The following EFL1 variants were observed in gnomAD, a reference collection of about 807,000 sequenced individuals.
EFL1 encodes elongation factor like GTPase 1, also known as elongation factor-like GTPase 1.
A neutral mutation model predicts 126.7 loss-of-function variants in EFL1; 76 were observed. The observed-to-expected ratio is 0.60, with a 90% CI of 0.50 to 0.73. The LOEUF (loss-of-function observed/expected upper bound fraction) is 0.73. Ranked by LOEUF, EFL1 falls within the 30% of genes least tolerant of loss-of-function variation. The pLI is 0.00. For synonymous variants in EFL1, 410 were observed against 448.4 expected, an observed-to-expected ratio of 0.91 and a Z score of 1.08; for missense variants, 1,128 against 1,343.2, an observed-to-expected ratio of 0.84 and a Z score of 2.50.
At chr15:82,181,323 T>C (rs1233187862) in intron 15 of EFL1, among the ~76,000 whole-genome samples, 2 of 152,224 alleles carry the variant, frequency 1.3e-5, no homozygotes, top group African/African-American at 4.8e-5. Flanking sequence ...AAATAATATT[T>C]AAAGCTTCTG....
chr15:82,162,300 G>C (rs554582845), intron 16 of EFL1, among the ~76,000 whole-genome samples: 17 of 152,218 alleles, frequency 1.1e-4, no homozygotes, highest in African/African-American at 3.9e-4. Flanking sequence ...AAATAAACAA[G>C]TAAAATTATG....
At chr15:82,194,217 A>G (rs1172745484) in intron 15 of EFL1, among the ~76,000 whole-genome samples, 1 of 152,174 alleles carries the variant, frequency 6.6e-6, no homozygotes, top group Non-Finnish European at 1.5e-5. Flanking sequence ...GGAGGTATCT[A>G]TACCATTCTA....
intron 14 of EFL1, among the ~76,000 whole-genome samples, chr15:82,216,103 T>C (rs1160766161): frequency 6.6e-6 from 1 of 152,140 alleles, no homozygotes; most frequent in African/African-American, 2.4e-5. Context: ...AATGCATAAA[T>C]AGAATAGCAA....
chr15:82,182,309 C>G (rs142582208), intron 15 of EFL1, among the ~76,000 whole-genome samples: 56 of 152,262 alleles, frequency 3.7e-4, no homozygotes, highest in African/African-American at 1.2e-3. Context: ...TATTTTTAGG[C>G]AGCTATTTGT....
At chr15:82,137,705 C>G (rs2073737079) in intron 19 of EFL1, among the ~76,000 whole-genome samples, 1 of 152,238 alleles carries the variant, frequency 6.6e-6, no homozygotes, top group African/African-American at 2.4e-5. Context: ...TCCCTGTAAA[C>G]AATAACAACA....
chr15:82,151,571 T>C lies in EFL1; in HGVS notation c.2883A>G (p.Leu961=), dbSNP rs780082234. 1.9e-5 allele frequency: 30 copies of C among 1,614,072 alleles called. No individual in the cohort carries two copies. Among genetic ancestry groups the C allele is most frequent in the African/African-American group, 9.3e-5 (7 of 74,924 alleles). ...GACATGCTTCTTTCATGGTGGCAAT[T>C]AGCTGTCCTGAGAAAGGTCCATAGC... ...TDCYGPFSGQ[L]IATMKEACRY... is the part of the protein sequence containing the mutation. The change falls in exon 18 of 20, where the codon CTA becomes CTG. Residue 961 remains leucine, a synonymous_variant. Transcript: ENST00000268206.
At chr15:82,182,052 G>A (rs2074257152) in intron 15 of EFL1, among the ~76,000 whole-genome samples, 1 of 152,102 alleles carries the variant, frequency 6.6e-6, no homozygotes, top group Non-Finnish European at 1.5e-5. Flanking sequence ...GAGGTCAGGA[G>A]TTTGAGGCCA....
At chr15:82,141,912 C>T (rs1360273904) in intron 18 of EFL1, among the ~76,000 whole-genome samples, 1 of 151,994 alleles carries the variant, frequency 6.6e-6, no homozygotes, top group Non-Finnish European at 1.5e-5. Flanking sequence ...TAATTTTGAT[C>T]CATTCAATTT....
intron 7 of EFL1, among the ~76,000 whole-genome samples, chr15:82,235,898 A>G (rs1043597960): frequency 1.3e-5 from 2 of 152,156 alleles, no homozygotes; most frequent in Admixed American, 6.5e-5. Context: ...AAAAAAATAC[A>G]ACAACCCCTA....
Position 82,138,407 on chromosome 15 carries a change from T to TGAGAGA in EFL1, c.3174+245_3174+250dup, listed in dbSNP as rs71156027. Among the ~76,000 whole-genome samples, 425 of 147,780 alleles carry TGAGAGA rather than the reference T, an allele frequency of 2.9e-3. 13 individuals carry two copies. The South Asian group carries it at 0.063, about 22-fold the overall frequency. Reference sequence around the variant, plus strand: ...TTTTATATTGAATAAAAAGGACAAATGAGAGAGAGAGAGAGAGAGTGTATG... The same window carrying TGAGAGA: ...TTTTATATTGAATAAAAAGGACAAATGAGAGAGAGAGAGAGAGAGAGAGAGTGTATG... On this transcript the variant is annotated intron_variant, in intron 19 of 19. Coordinates refer to ENST00000268206, the MANE Select transcript of EFL1 (RefSeq NM_024580.6).
chr15:82,245,291 G>A lies in EFL1; in HGVS notation c.245-3888C>T, dbSNP rs540864844. Among the ~76,000 whole-genome samples, 3 of 152,012 alleles carry A rather than the reference G, an allele frequency of 2.0e-5. 1 individual carries two copies. Among genetic ancestry groups the A allele is most frequent in the African/African-American group, 7.2e-5 (3 of 41,394 alleles). On this transcript the variant is annotated intron_variant, in intron 4 of 19. Transcript: ENST00000268206. ...CTCAGCCTCCCAAGTAGCAGGGACT[G>A]CAGGCACACAAGGGTAACTTTTATT... is the stretch of plus-strand genomic sequence containing the variant.
intron 6 of EFL1, among the ~76,000 whole-genome samples, chr15:82,239,416 G>A (rs752413795): frequency 6.6e-6 from 1 of 152,168 alleles, no homozygotes; most frequent in Non-Finnish European, 1.5e-5. Flanking sequence ...GATTACAGGT[G>A]TAAGCCAGCT....
chr15:82,200,750 A>T (rs1039094599), intron 15 of EFL1, among the ~76,000 whole-genome samples: 8 of 152,214 alleles, frequency 5.3e-5, no homozygotes, highest in Non-Finnish European at 1.2e-4. Flanking sequence ...CACTACTCTG[A>T]TATTCTTTAA....
chr15:82,162,421 CAG>C (rs2074032868), intron 16 of EFL1, among the ~76,000 whole-genome samples: 1 of 152,134 alleles, frequency 6.6e-6, no homozygotes, highest in Non-Finnish European at 1.5e-5. Context: ...CTATGGTTGC[CAG>C]ACTCAAATAT....
chr15:82,240,949 T>C (rs1235133678), intron 5 of EFL1, among the ~76,000 whole-genome samples: 2 of 152,064 alleles, frequency 1.3e-5, no homozygotes, highest in African/African-American at 4.8e-5. Context: ...ACTCTGGAGG[T>C]TGAAGCATGA....
intron 18 of EFL1, among the ~76,000 whole-genome samples, chr15:82,144,669 G>A (rs2073823805): frequency 6.6e-6 from 1 of 152,148 alleles, no homozygotes; most frequent in Non-Finnish European, 1.5e-5. Context: ...AAATGCTGAG[G>A]AAATGTAAAA....
chr15:82,181,622 ATGTG>A (rs35063141), intron 15 of EFL1, among the ~76,000 whole-genome samples: 41 of 149,466 alleles, frequency 2.7e-4, no homozygotes, highest in Non-Finnish European at 5.0e-4. Flanking sequence ...ATGTGTGTGC[ATGTG>A]TGTGTGTGTG....
chr15:82,157,852 G>A lies in EFL1; in HGVS notation c.1891C>T (p.Pro631Ser), dbSNP rs760296936. 1.2e-6 allele frequency: 2 copies of A among 1,612,510 alleles called. No individual in the cohort carries two copies. The highest frequency in any genetic ancestry group is 1.7e-6 in the Non-Finnish European group (2 of 1,178,990). Reference sequence around the variant, plus strand: ...AGTTTCATTCCTTTTACGAGCTGAGGCATTTCACCTAGGTTAACAAAACGA... The same window carrying A: ...AGTTTCATTCCTTTTACGAGCTGAGACATTTCACCTAGGTTAACAAAACGA... ...AVEPKHPSEM[P>S]QLVKGMKLLN... Residue 631 changes from proline (P) to serine (S), a missense_variant, in exon 17 of 20, where the codon CCT (proline) becomes TCT (serine). Physicochemically the swap from Pro to Ser is moderately conservative, Grantham distance 74 (BLOSUM62 -1). Transcript: ENST00000268206.
At chr15:82,177,708 C>T (rs2074209435) in intron 15 of EFL1, among the ~76,000 whole-genome samples, 2 of 152,166 alleles carry the variant, frequency 1.3e-5, no homozygotes, top group South Asian at 2.1e-4. Flanking sequence ...TCTACTGCTG[C>T]CTTTATTTAT....
Sources: allele counts gnomAD v4.1 joint callset (sites outside exome capture counted in the v4.1 genomes callset), GRCh38; gene constraint gnomAD v4.1.1; transcripts MANE v1.5; gene names NCBI Gene and HGNC (gene_info 2026-07-23, HGNC 2026-07-21).